PXDNL: variants seen among roughly 807,000 people sequenced by gnomAD.
The protein encoded by PXDNL is peroxidasin like.
In PXDNL, 145 loss-of-function variants were observed where a neutral mutation model predicts 150.8. That is an observed-to-expected ratio of 0.96 (90% CI 0.84 to 1.10). The LOEUF is 1.10. Ranked by LOEUF, PXDNL falls within the 50% of genes least tolerant of loss-of-function variation. The probability of loss-of-function intolerance (pLI) is 0.00; values close to 1 mark genes in which losing one functional copy is unlikely to be tolerated. For missense variants in PXDNL, 2,087 were observed against 1,873.9 expected (o/e 1.11, Z -2.10); for synonymous variants, 757 against 725.7 (o/e 1.04, Z -0.69).
chr8:51,394,523 C>T (rs749990534), intron 17 of PXDNL, among the ~76,000 whole-genome samples: 4 of 152,148 alleles, frequency 2.6e-5, no homozygotes, highest in East Asian at 1.9e-4. Context: ...CAGTAGGCAT[C>T]GGCAAACTAT....
chr8:51,325,539 C>T (rs1025430497), intron 21 of PXDNL, among the ~76,000 whole-genome samples: 2 of 152,262 alleles, frequency 1.3e-5, no homozygotes, highest in East Asian at 1.9e-4. Flanking sequence ...TGACTTCTCC[C>T]GACATGGCCT....
At chr8:51,394,294 ATAT>A (rs1287590311) in intron 17 of PXDNL, among the ~76,000 whole-genome samples, 1 of 152,238 alleles carries the variant, frequency 6.6e-6, no homozygotes, top group Non-Finnish European at 1.5e-5. Context: ...TATGAAGGAA[ATAT>A]TATTACTATT....
chr8:51,389,956 T>C (rs1807842930), intron 17 of PXDNL, among the ~76,000 whole-genome samples: 1 of 152,114 alleles, frequency 6.6e-6, no homozygotes, highest in Non-Finnish European at 1.5e-5. Context: ...ATATTATATA[T>C]AGCACAAATG....
At chr8:51,693,171 T>A (rs551126461) in intron 1 of PXDNL, among the ~76,000 whole-genome samples, 1 of 152,228 alleles carries the variant, frequency 6.6e-6, no homozygotes, top group East Asian at 1.9e-4. Flanking sequence ...AGAAATACCA[T>A]GAAAGTTGCA....
intron 17 of PXDNL, among the ~76,000 whole-genome samples, chr8:51,382,502 A>G (rs1807579516): frequency 6.6e-6 from 1 of 152,202 alleles, no homozygotes; most frequent in Non-Finnish European, 1.5e-5. Flanking sequence ...TTTGCCTGCC[A>G]AAAATGAGAC....
chr8:51,769,089 G>A (rs760255323), intron 1 of PXDNL, among the ~76,000 whole-genome samples: 23 of 152,336 alleles, frequency 1.5e-4, no homozygotes, highest in East Asian at 3.9e-4. Flanking sequence ...GCAACAGAGC[G>A]AGACTCCGTC....
Position 51,743,029 on chromosome 8 carries a change from C to A in PXDNL, c.164+66152G>T, listed in dbSNP as rs1430830670. Among the ~76,000 whole-genome samples the A allele has an allele frequency of 2.6e-5, 4 of 152,146 alleles. 1 individual carries two copies. Among genetic ancestry groups the A allele is most frequent in the African/African-American group, 7.2e-5 (3 of 41,424 alleles). On this transcript the variant is annotated intron_variant, in intron 1 of 22. Transcript: ENST00000356297. ...ATTCAGTTCCAGTAAACTATTCATG[C>A]AACATTATCAATTTGCAGAAGGGCA...
At chr8:51,515,765 G>A (rs886467053) in intron 4 of PXDNL, among the ~76,000 whole-genome samples, 1 of 152,166 alleles carries the variant, frequency 6.6e-6, no homozygotes, top group Non-Finnish European at 1.5e-5. Context: ...GAAGTTTCAT[G>A]GGTGTGAGTG....
chr8:51,462,105 C>A (rs978387229), intron 8 of PXDNL, among the ~76,000 whole-genome samples: 1 of 152,166 alleles, frequency 6.6e-6, no homozygotes, highest in South Asian at 2.1e-4. Context: ...TCAACATACA[C>A]CACAGTCAAA....
At chr8:51,740,620 A>G (rs1037874156) in intron 1 of PXDNL, among the ~76,000 whole-genome samples, 4 of 151,648 alleles carry the variant, frequency 2.6e-5, no homozygotes, top group African/African-American at 9.7e-5. Context: ...GGCTGCATAA[A>G]TGTCTTCCTT....
chr8:51,474,143 CA>C (rs950495225), intron 7 of PXDNL, among the ~76,000 whole-genome samples: 2 of 152,002 alleles, frequency 1.3e-5, no homozygotes, highest in Non-Finnish European at 2.9e-5. Context: ...TAGAGAAATT[CA>C]AAAAATGGCT....
At chr8:51,634,024 T>G (rs1412890697) in intron 2 of PXDNL, among the ~76,000 whole-genome samples, 2 of 152,166 alleles carry the variant, frequency 1.3e-5, no homozygotes, top group African/African-American at 4.8e-5. Flanking sequence ...TTGCAATTGC[T>G]TTTGAGGACT....
intron 1 of PXDNL, among the ~76,000 whole-genome samples, chr8:51,683,101 T>C (rs1373934315): frequency 2.1e-5 from 3 of 143,970 alleles, no homozygotes; most frequent in Admixed American, 7.1e-5. Flanking sequence ...CCATTTTGCA[T>C]TCCTACCAAC....
chr8:51,608,158 G>A (rs1813904433), intron 2 of PXDNL, among the ~76,000 whole-genome samples: 1 of 148,584 alleles, frequency 6.7e-6, no homozygotes. Flanking sequence ...GGGAGGCCGA[G>A]GTGGGCAGAT....
intron 17 of PXDNL, among the ~76,000 whole-genome samples, chr8:51,393,888 G>A (rs931622641): frequency 2.6e-5 from 4 of 152,182 alleles, no homozygotes; most frequent in Admixed American, 1.3e-4. Flanking sequence ...ACCAATTTCC[G>A]ACTCCTGACC....
At chr8:51,356,853 G>C (rs774034763) in intron 19 of PXDNL, among the ~76,000 whole-genome samples, 11 of 152,120 alleles carry the variant, frequency 7.2e-5, no homozygotes, top group Non-Finnish European at 1.5e-4. Context: ...GAGCTCTCTT[G>C]GTTCCTTATC....
At chr8:51,735,703 C>T (rs1384308228) in intron 1 of PXDNL, among the ~76,000 whole-genome samples, 5 of 147,486 alleles carry the variant, frequency 3.4e-5, no homozygotes, top group Non-Finnish European at 7.5e-5. Context: ...CCCGCCACTA[C>T]GCCCGGCTAA....
intron 1 of PXDNL, among the ~76,000 whole-genome samples, chr8:51,757,626 G>A (rs1157552888): frequency 6.6e-6 from 1 of 152,208 alleles, no homozygotes; most frequent in African/African-American, 2.4e-5. Context: ...ATGGCCAGTA[G>A]CAAAAGTCTA....
At chr8:51,572,383 A>T (rs71513535) in intron 3 of PXDNL, among the ~76,000 whole-genome samples, 10,428 of 151,942 alleles carry the variant, frequency 0.069, 448 homozygotes, top group South Asian at 0.1. Flanking sequence ...ATTATTTGGC[A>T]TTTGAAATGA....
Sources: gnomAD v4.1 joint callset for allele counts (sites outside exome capture counted in the v4.1 genomes callset) on GRCh38, gnomAD v4.1.1 for gene constraint, MANE v1.5 for transcripts, NCBI Gene and HGNC (gene_info 2026-07-23, HGNC 2026-07-21) for gene names.